LRRTM4: variants seen among roughly 807,000 people sequenced by gnomAD.
LRRTM4 encodes leucine rich repeat transmembrane neuronal 4.
A neutral mutation model predicts 47.6 loss-of-function variants in LRRTM4; 25 were observed. That is an observed-to-expected ratio of 0.53 (90% CI 0.38 to 0.73). The LOEUF (loss-of-function observed/expected upper bound fraction) is 0.73. Ranked by LOEUF, LRRTM4 falls within the 30% of genes least tolerant of loss-of-function variation. The probability of loss-of-function intolerance (pLI) is 0.00; values close to 1 mark genes in which losing one functional copy is unlikely to be tolerated. For synonymous variants in LRRTM4, 311 were observed against 269.5 expected (o/e 1.15, Z -1.51); for missense variants, 638 against 713.4 (o/e 0.89, Z 1.20).
chr2:76,832,630 G>A (rs1391982344), intron 3 of LRRTM4, among the ~76,000 whole-genome samples: 1 of 151,876 alleles, frequency 6.6e-6, no homozygotes, highest in Non-Finnish European at 1.5e-5. Context: ...GTTAAAATGA[G>A]CTTATCTCCA....
intron 3 of LRRTM4, among the ~76,000 whole-genome samples, chr2:76,921,050 GAACTT>G (rs1285626903): frequency 1.3e-5 from 2 of 152,052 alleles, no homozygotes; most frequent in Middle Eastern, 3.4e-3. Flanking sequence ...ACATTATTAT[GAACTT>G]AACTTTACAC....
intron 3 of LRRTM4, among the ~76,000 whole-genome samples, chr2:77,125,731 C>T (rs1671636862): frequency 6.6e-6 from 1 of 151,950 alleles, no homozygotes; most frequent in African/African-American, 2.4e-5. Flanking sequence ...TTTAACCTCA[C>T]CACTAGAAAA....
intron 3 of LRRTM4, among the ~76,000 whole-genome samples, chr2:77,114,334 C>T (rs182262148): frequency 4.4e-3 from 664 of 152,264 alleles, no homozygotes; most frequent in Non-Finnish European, 7.2e-3. Flanking sequence ...GCCCTGAATA[C>T]GGTAACATAT....
intron 3 of LRRTM4, among the ~76,000 whole-genome samples, chr2:76,963,427 C>T (rs1009356970): frequency 6.6e-6 from 1 of 150,796 alleles, no homozygotes. Flanking sequence ...ACAGATTTCT[C>T]ATCAGAAAAT....
chr2:77,055,818 A>C (rs920717447), intron 3 of LRRTM4, among the ~76,000 whole-genome samples: 15 of 151,948 alleles, frequency 9.9e-5, no homozygotes, highest in African/African-American at 3.6e-4. Flanking sequence ...AGATTGGATT[A>C]AGAAAATGTG....
intron 3 of LRRTM4, among the ~76,000 whole-genome samples, chr2:76,845,130 T>TGAAA (rs1395055095): frequency 4.2e-4 from 64 of 152,220 alleles, no homozygotes; most frequent in African/African-American, 1.5e-3. Flanking sequence ...GTAAACAAAC[T>TGAAA]GAAAGACAAT....
At chr2:77,453,262 A>T (rs542832453) in intron 3 of LRRTM4, among the ~76,000 whole-genome samples, 3 of 148,548 alleles carry the variant, frequency 2.0e-5, no homozygotes, top group African/African-American at 5.0e-5. Context: ...GTTCACTGCA[A>T]GCTCCGCCTC....
intron 3 of LRRTM4, among the ~76,000 whole-genome samples, chr2:76,861,405 T>C (rs1046320979): frequency 1.3e-5 from 2 of 152,120 alleles, no homozygotes; most frequent in Non-Finnish European, 2.9e-5. Context: ...TAACTATATG[T>C]CACTTACCTC....
chr2:77,161,808 A>G (rs1242219259), intron 3 of LRRTM4, among the ~76,000 whole-genome samples: 1 of 152,024 alleles, frequency 6.6e-6, no homozygotes, highest in Non-Finnish European at 1.5e-5. Flanking sequence ...GTAAAATATT[A>G]TTTCACTGAG....
intron 3 of LRRTM4, among the ~76,000 whole-genome samples, chr2:76,948,823 A>G (rs1675407328): frequency 6.6e-6 from 1 of 151,854 alleles, no homozygotes; most frequent in African/African-American, 2.4e-5. Context: ...AATACTCAAT[A>G]ATGAAATTTG....
intron 3 of LRRTM4, among the ~76,000 whole-genome samples, chr2:76,855,332 A>G (rs1386197613): frequency 6.6e-6 from 1 of 152,214 alleles, no homozygotes; most frequent in Non-Finnish European, 1.5e-5. Flanking sequence ...GCCCTGCCTT[A>G]CTGATAATCC....
chr2:76,889,791 G>A (rs1673192438), intron 3 of LRRTM4, among the ~76,000 whole-genome samples: 1 of 151,736 alleles, frequency 6.6e-6, no homozygotes, highest in African/African-American at 2.4e-5. Context: ...TATAGGAGAG[G>A]AAAAGAGGCA....
intron 3 of LRRTM4, among the ~76,000 whole-genome samples, chr2:76,988,604 GC>G (rs1052694751): frequency 1.3e-5 from 2 of 151,596 alleles, no homozygotes; most frequent in Admixed American, 1.3e-4. Context: ...CCTTTTAAAA[GC>G]CCCAAATTTT....
intron 3 of LRRTM4, among the ~76,000 whole-genome samples, chr2:77,255,550 A>G (rs1388089217): frequency 6.6e-6 from 1 of 152,066 alleles, no homozygotes; most frequent in East Asian, 1.9e-4. Context: ...ATTGAAACAC[A>G]TTGAAATTTT....
chr2:77,011,494 A>G (rs908028713), intron 3 of LRRTM4, among the ~76,000 whole-genome samples: 7 of 151,534 alleles, frequency 4.6e-5, no homozygotes, highest in African/African-American at 1.2e-4. Flanking sequence ...TGATGTCTCT[A>G]AAGTCAGCCA....
rs542018646 is a variant in LRRTM4 at position 77,442,066 on chromosome 2, C to T, written c.1551+76252G>A. ...CTATTCAGAAATTCTTTAGTACCAA[C>T]GCTTTTGTTGTCCCTGAGAACAGCA... On this transcript the variant is annotated intron_variant, in intron 3 of 3. Coordinates refer to ENST00000409884, the MANE Select transcript of LRRTM4 (RefSeq NM_001134745.3). Among the ~76,000 whole-genome samples, 31 of 152,112 alleles carry T rather than the reference C, an allele frequency of 2.0e-4. 1 individual carries two copies. The highest frequency in any genetic ancestry group is 5.3e-4 in the African/African-American group (22 of 41,446).
chr2:76,984,250 C>A (rs181822986), intron 3 of LRRTM4, among the ~76,000 whole-genome samples: 1 of 151,812 alleles, frequency 6.6e-6, no homozygotes, highest in South Asian at 2.1e-4. Context: ...ATAGCAATTG[C>A]TTTTTTATAT....
chr2:76,920,107 G>T (rs994875765), intron 3 of LRRTM4, among the ~76,000 whole-genome samples: 1 of 152,090 alleles, frequency 6.6e-6, no homozygotes, highest in South Asian at 2.1e-4. Flanking sequence ...CTTTTAAAAC[G>T]TAATATGAGA....
chr2:76,917,238 C>A (rs895193343), intron 3 of LRRTM4, among the ~76,000 whole-genome samples: 15 of 152,100 alleles, frequency 9.9e-5, no homozygotes, highest in African/African-American at 3.6e-4. Context: ...TTTACAAAAC[C>A]AGGAGGCAGA....
Sources: allele counts gnomAD v4.1 joint callset (sites outside exome capture counted in the v4.1 genomes callset), GRCh38; gene constraint gnomAD v4.1.1; transcripts MANE v1.5; gene names NCBI Gene and HGNC (gene_info 2026-07-23, HGNC 2026-07-21).